TRPM5: variants seen among roughly 807,000 people sequenced by gnomAD.
TRPM5 encodes MLSN1 and TRP-related.
Under a neutral mutation model 124.9 loss-of-function variants are expected in TRPM5, and 121 were observed. The ratio of observed to expected loss-of-function variants is 0.97; its 90% CI spans 0.84 to 1.13. TRPM5 has a LOEUF of 1.13. Ranked by LOEUF, TRPM5 falls within the 50% of genes most tolerant of loss-of-function variation. The pLI is 0.00. For missense variants in TRPM5, 1,643 were observed against 1,589.1 expected (o/e 1.03, Z -0.58); for synonymous variants, 781 against 700.5 (o/e 1.11, Z -1.81).
At chr11:2,426,880 G>A (rs1171262356), upstream of TRPM5, among the ~76,000 whole-genome samples, 4 of 152,186 alleles carry the variant, frequency 2.6e-5, no homozygotes, top group Non-Finnish European at 4.4e-5. Flanking sequence ...TGCAGTGGAG[G>A]ACACGGCTCA....
chr11:2,408,379 G>C (rs1850367631), intron 18 of TRPM5, among the ~76,000 whole-genome samples: 1 of 152,216 alleles, frequency 6.6e-6, no homozygotes, highest in Non-Finnish European at 1.5e-5. Flanking sequence ...GGACTTCTCA[G>C]AGCCTCTACA....
exon 15 of TRPM5, chr11:2,412,942 G>A (rs376847854): frequency 1.4e-5 from 22 of 1,604,168 alleles, no homozygotes; most frequent in East Asian, 2.2e-5. Context: ...TTCCGCCAGC[G>A]TGTGAGCAGG....
Position 2,418,154 on chromosome 11 carries a change from G to A in TRPM5, c.906+13C>T, listed in dbSNP as rs756487798. The A allele has an allele frequency of 6.5e-7, 1 of 1,545,604 alleles. No homozygotes were observed. The highest frequency in any genetic ancestry group is 1.2e-5 in the South Asian group (1 of 84,258). On this transcript the variant is annotated intron_variant, in intron 6 of 23. Coordinates refer to ENST00000155858, the Ensembl canonical transcript of TRPM5. ...GGAGGGGTCGGGAGGACAGGGGAGG[G>A]GGCAGCACATACCAGCTTGGTCCAG...
At position 2,415,144 on chromosome 11, in the gene TRPM5, G is replaced by A. The variant is rs374459572; in HGVS notation, c.1456C>T (p.Arg486Trp). 13 of 1,570,778 alleles carry A rather than the reference G, an allele frequency of 8.3e-6. No individual in the cohort carries two copies. Among genetic ancestry groups the A allele is most frequent in the Non-Finnish European group, 9.5e-6 (11 of 1,160,360 alleles). ...ACCGCCCTCCTGCGGTCCCCTGGCC[G>A]GCCGTCCTGGTAGAAGCCTCGGCAG... Residue 486 changes from arginine (R) to tryptophan (W), a missense_variant, in exon 9 of 24, where the codon CGG becomes TGG. Coordinates refer to ENST00000155858, the Ensembl canonical transcript of TRPM5.
chr11:2,430,697 G>A, the TRPM5 span, among the ~76,000 whole-genome samples: 1 of 150,732 alleles, frequency 6.6e-6, no homozygotes, highest in Admixed American at 6.6e-5. Context: ...TGGTGATGGA[G>A]GCGGTGTTGG....
At chr11:2,440,099 G>A in the TRPM5 span, among the ~76,000 whole-genome samples, 35 of 152,290 alleles carry the variant, frequency 2.3e-4, no homozygotes, top group African/African-American at 8.2e-4. The surrounding 1 kb of genome is among the most constrained non-coding windows in gnomAD (Gnocchi z 5.2). Context: ...AATACCACAT[G>A]TTCTCACTTA....
At chr11:2,422,644 G>A (rs900514729) in intron 1 of TRPM5, among the ~76,000 whole-genome samples, 4 of 151,562 alleles carry the variant, frequency 2.6e-5, no homozygotes, top group Non-Finnish European at 5.9e-5. Context: ...GAGGGCGCTG[G>A]ACAGAGGTGG....
chr11:2,438,259 T>C, the TRPM5 span, among the ~76,000 whole-genome samples: 1 of 152,188 alleles, frequency 6.6e-6, no homozygotes, highest in Admixed American at 6.5e-5. This position sits in a 1 kb window ranked among gnomAD's most constrained non-coding sequence, Gnocchi z 5.9. Context: ...GGCAAAAGCA[T>C]TCCCCTTAAG....
At chr11:2,421,153 T>C in exon 3 of TRPM5, 1 of 1,542,620 alleles carries the variant, frequency 6.5e-7, no homozygotes, top group Non-Finnish European at 8.7e-7. Context: ...CTGCCCGACA[T>C]GCCTGGCCAG....
At chr11:2,421,067 G>T in exon 3 of TRPM5, 2 of 1,548,474 alleles carry the variant, frequency 1.3e-6, no homozygotes, top group Non-Finnish European at 1.7e-6. Flanking sequence ...TGCAGGACGC[G>T]GCCCAGCGAG....
intron 2 of TRPM5, among the ~76,000 whole-genome samples, chr11:2,421,805 C>T (rs910608752): frequency 7.2e-5 from 11 of 152,160 alleles, no homozygotes; most frequent in African/African-American, 7.2e-5. Flanking sequence ...CATCTCATGG[C>T]GGCCCATGGG....
intron 18 of TRPM5, 26 bp downstream of exon 23, chr11:2,411,326 C>T (rs1321574681): frequency 1.3e-6 from 2 of 1,539,262 alleles, no homozygotes; most frequent in Non-Finnish European, 1.8e-6. Flanking sequence ...TCTCCCTGCC[C>T]CTGCCCCCGC....
exon 2 of TRPM5, chr11:2,422,225 C>T: frequency 6.2e-7 from 1 of 1,612,510 alleles, no homozygotes; most frequent in Non-Finnish European, 8.5e-7. Flanking sequence ...TCCTCACCCA[C>T]CAGGGACACC....
rs1216260434 is a variant in TRPM5 at position 2,417,853 on chromosome 11, A to G, written c.907-24T>C. On this transcript the variant is annotated intron_variant, in intron 6 of 23. Transcript: ENST00000155858. ...AGCTGGGCACCAGAACAGAGCCCCC[A>G]TGGGGCCGCCTCAGCCAGGACGGGG... 1.7e-5 allele frequency: 27 copies of G among 1,555,042 alleles called. No individual in the cohort carries two copies. In the East Asian group the frequency reaches 6.4e-4, roughly 37 times the overall value.
chr11:2,416,039 G>T lies in TRPM5; in HGVS notation c.1010-15C>A. 6.3e-7 allele frequency: 1 copy of T among 1,581,316 alleles called. No individual in the cohort carries two copies. Among genetic ancestry groups the T allele is most frequent in the Non-Finnish European group, 8.6e-7 (1 of 1,159,128 alleles). On this transcript the variant is annotated splice_polypyrimidine_tract_variant and intron_variant, in intron 7 of 23. Transcript: ENST00000155858. ...GCTCTTGCAGGCTGTGGGCAGAGCAGGCAGGCACTGGTGAGGGTGGAGCTG... is the reference window on the plus strand; with the variant it reads ...GCTCTTGCAGGCTGTGGGCAGAGCATGCAGGCACTGGTGAGGGTGGAGCTG...
At chr11:2,429,585 T>A in the TRPM5 span, among the ~76,000 whole-genome samples, 4 of 151,374 alleles carry the variant, frequency 2.6e-5, no homozygotes, top group Non-Finnish European at 4.4e-5. The surrounding 1 kb of genome is among the most constrained non-coding windows in gnomAD (Gnocchi z 8.4). Flanking sequence ...ATGGTGGTGT[T>A]TTTGATAACG....
the TRPM5 span, among the ~76,000 whole-genome samples, chr11:2,428,363 T>C: frequency 6.6e-6 from 1 of 152,268 alleles, no homozygotes; most frequent in Admixed American, 6.5e-5. The surrounding 1 kb of genome is among the most constrained non-coding windows in gnomAD (Gnocchi z 4.0). Context: ...GTGGCCTCTC[T>C]AGTCTGGCCT....
At chr11:2,428,899 GTTGGTGTTGGTA>G in the TRPM5 span, among the ~76,000 whole-genome samples, 2 of 150,878 alleles carry the variant, frequency 1.3e-5, no homozygotes, top group East Asian at 2.0e-4. This position sits in a 1 kb window ranked among gnomAD's most constrained non-coding sequence, Gnocchi z 4.0. Flanking sequence ...TGTTGGTGGT[GTTGGTGTTGGTA>G]TTGGTGTTGG....
chr11:2,406,349 G>A (rs1272924243), intron 21 of TRPM5, among the ~76,000 whole-genome samples: 1 of 152,200 alleles, frequency 6.6e-6, no homozygotes, highest in Admixed American at 6.5e-5. Flanking sequence ...GACGGTGCAG[G>A]GCAGGCAGTC....
Sources: allele counts gnomAD v4.1 joint callset (sites outside exome capture counted in the v4.1 genomes callset), GRCh38; gene constraint gnomAD v4.1.1; non-coding constraint Gnocchi (gnomAD v3.1); transcripts MANE v1.5; gene names NCBI Gene and HGNC (gene_info 2026-07-23, HGNC 2026-07-21).